The following ZNF160 variants were observed in gnomAD, a reference collection of about 807,000 sequenced individuals.
ZNF160 encodes KRAB zinc finger protein KR18.
Under a neutral mutation model 13.1 loss-of-function variants are expected in ZNF160, and 9 were observed. The observed-to-expected ratio is 0.69, with a 90% confidence interval of 0.41 to 1.20. The LOEUF (loss-of-function observed/expected upper bound fraction) is 1.20. Among genes scored for constraint, ZNF160 ranks in the 50% most tolerant of loss-of-function variants. The probability of loss-of-function intolerance (pLI) is 0.01; values close to 1 mark genes in which losing one functional copy is unlikely to be tolerated. For synonymous variants in ZNF160, 293 were observed against 333.2 expected (o/e 0.88, Z 1.31); for missense variants, 838 against 988.0 (o/e 0.85, Z 2.04).
rs561069641 is a variant in ZNF160 at position 53,091,658 on chromosome 19, G to C, written c.-291C>G. On this transcript the variant is annotated 5_prime_UTR_variant, in exon 2 of 6. Transcript: ENST00000683776. ...CTACCAGCGAGGCTGAAGCCACTCA[G>C]TGGGCTGGGAGCCGGGATCTCTCTA... is the stretch of plus-strand genomic sequence containing the variant. 6.6e-6 allele frequency: 1 copy of C among 152,398 alleles called. No individual in the cohort carries two copies. The highest frequency in any genetic ancestry group is 1.9e-4 in the East Asian group (1 of 5,182). 9.4% of individuals were successfully genotyped at this position (152,398 alleles called of 1,614,324 possible).
chr19:53,070,666 G>A (rs890614374), intron 5 of ZNF160, among the ~76,000 whole-genome samples: 4 of 152,068 alleles, frequency 2.6e-5, no homozygotes, highest in African/African-American at 4.8e-5. Context: ...CGCCTGCCTC[G>A]GCCTCCCAAA....
At chr19:53,082,624 C>T (rs79746883) in intron 3 of ZNF160, among the ~76,000 whole-genome samples, 13,043 of 152,258 alleles carry the variant, frequency 0.086, 704 homozygotes, top group South Asian at 0.14. Context: ...CAGCTGTGAT[C>T]ACACGACTGG....
Position 53,067,614 on chromosome 19 carries a change from C to T in ZNF160, c.*463G>A, listed in dbSNP as rs10405102. Reference sequence around the variant, plus strand: ...CAATAGTAGGCTTTCCAAAAAACCTCAAATAACTCAGTGAAACATTTCATA... The same window carrying T: ...CAATAGTAGGCTTTCCAAAAAACCTTAAATAACTCAGTGAAACATTTCATA... On this transcript the variant is annotated 3_prime_UTR_variant, in exon 6 of 6. Coordinates refer to ENST00000683776, the MANE Select transcript of ZNF160 (RefSeq NM_001322131.2). 0.43 allele frequency: 65,714 copies of T among 154,218 alleles called. 15,393 individuals are homozygous for T. The highest frequency in any genetic ancestry group is 0.62 in the African/African-American group (25,926 of 41,496). 9.6% of individuals were successfully genotyped at this position (154,218 alleles called of 1,614,324 possible). A position where few individuals can be genotyped will look rare whatever the true frequency, so the allele number is the denominator to read the frequency against.
rs2084037563 is a variant in ZNF160, at chr19:53,068,420, T to C, written c.2114A>G (p.Tyr705Cys). 2.5e-6 allele frequency: 4 copies of C among 1,614,102 alleles called. No individual in the cohort carries two copies. Among genetic ancestry groups the C allele is most frequent in the Non-Finnish European group, 3.4e-6 (4 of 1,179,996 alleles). The change falls in exon 6 of 6, where the codon TAC becomes TGC. Residue 705 changes from tyrosine (Y) to cysteine (C), a missense_variant. Tyr to Cys is a radical substitution (Grantham distance 194, BLOSUM62 -2). Transcript: ENST00000683776. ...GGCTTTCCCACACTCATTGCATCGG[T>C]AAGGTTTCTCTCCGGTGTGAGTCCT... The part of the protein sequence containing the change: ...HQRTHTGEKP[Y>C]RCNECGKAFS...
In ZNF160 at chr19:53,075,146, G is replaced by A. The variant is rs2145578671; in HGVS notation, c.53C>T (p.Ser18Phe). ...LTFRDVAIEF[S>F]QEEWKCLDPA... ...GTCCAGGCATTTCCACTCCTCCTGA[G>A]AGAATTCTATGGCCACATCCCTAAA... Residue 18 changes from serine to phenylalanine, a missense_variant, in exon 4 of 6, where the codon TCT becomes TTT. Transcript: ENST00000683776. 6.2e-7 allele frequency: 1 copy of A among 1,614,174 alleles called. No homozygotes were observed. Among genetic ancestry groups the A allele is most frequent in the Middle Eastern group, 1.6e-4 (1 of 6,062 alleles).
Position 53,074,234 on chromosome 19 carries a change from C to T in ZNF160, c.177G>A (p.Met59Ile), listed in dbSNP as rs144142923. Residue 59 changes from methionine (M) to isoleucine (I), a missense_variant, in exon 5 of 6, where the codon ATG (methionine) becomes ATA (isoleucine). By Grantham distance (10) the Met-to-Ile change is conservative. Transcript: ENST00000683776. ...TCCAGGGCTCTTTCCCTTCCTCCAA[C>T]ATGGAGATAATATTCATATCAAAAT... ...LCHFDMNIIS[M>I]LEEGKEPWTV... 2 of 1,614,000 alleles carry T rather than the reference C, an allele frequency of 1.2e-6. No homozygotes were observed. Among genetic ancestry groups the T allele is most frequent in the African/African-American group, 2.7e-5 (2 of 74,906 alleles).
intron 3 of ZNF160, among the ~76,000 whole-genome samples, chr19:53,081,847 A>G (rs113607460): frequency 0.033 from 5,018 of 152,312 alleles, 245 homozygotes; most frequent in African/African-American, 0.11. Context: ...CATTTACAAT[A>G]GCAAAGACAT....
chr19:53,099,514 A>T (rs8099848), intron 1 of ZNF160, among the ~76,000 whole-genome samples: 1 of 151,568 alleles, frequency 6.6e-6, no homozygotes, highest in East Asian at 2.0e-4. Context: ...AGGGTTCCCT[A>T]CCAGGGACTG....
At chr19:53,080,974 G>T (rs889905482) in intron 3 of ZNF160, among the ~76,000 whole-genome samples, 3 of 152,120 alleles carry the variant, frequency 2.0e-5, no homozygotes, top group Admixed American at 1.3e-4. Flanking sequence ...ATGAGGAAAG[G>T]ATACCCTATT....
In ZNF160 at chr19:53,073,175, T is replaced by C. The variant is rs559611865; in HGVS notation, c.271+965A>G. ...TAACCCACATTCTACTCTTTGCTGC[T>C]ATTAGTTTTATTGGTTTAGATTCCA... On this transcript the variant is annotated intron_variant, in intron 5 of 5. Transcript: ENST00000683776. 5.7e-6 allele frequency: 8 copies of C among 1,410,474 alleles called. No individual in the cohort carries two copies. The South Asian group carries it at 1.2e-4, about 22-fold the overall frequency. 87.4% of individuals were successfully genotyped at this position (1,410,474 alleles called of 1,614,324 possible).
At chr19:53,081,624 A>T (rs1051815826) in intron 3 of ZNF160, among the ~76,000 whole-genome samples, 6 of 146,898 alleles carry the variant, frequency 4.1e-5, no homozygotes, top group Non-Finnish European at 9.1e-5. Context: ...ACAAATATTG[A>T]CAAGGCTTCA....
At chr19:53,100,332 C>T (rs1328235509) in intron 1 of ZNF160, among the ~76,000 whole-genome samples, 2 of 152,196 alleles carry the variant, frequency 1.3e-5, no homozygotes, top group Non-Finnish European at 2.9e-5. Flanking sequence ...ATAAGTTGGC[C>T]GAGCGTGGTG....
At chr19:53,094,951 A>G (rs1473809162) in intron 1 of ZNF160, among the ~76,000 whole-genome samples, 1 of 151,414 alleles carries the variant, frequency 6.6e-6, no homozygotes, top group Non-Finnish European at 1.5e-5. Context: ...AGGCTGCACC[A>G]TAGCAGCTTC....
At position 53,069,201 on chromosome 19, in the gene ZNF160, T is replaced by C. The variant is rs1211156475; in HGVS notation, c.1333A>G (p.Arg445Gly). ...RYNSYLGRHR[R>G]VHTGEKPYKC... ...TAAGGTTTCTCACCAGTATGAACTC[T>C]CCGATGCCTTCCGAGGTATGAATTG... Residue 445 changes from arginine to glycine, a missense_variant, in exon 6 of 6, where the codon AGA becomes GGA. This residue lies in a region of ZNF160 where 400 missense variants were observed against 538.9 expected (regional missense o/e 0.74). Coordinates refer to ENST00000683776, the MANE Select transcript of ZNF160 (RefSeq NM_001322131.2). The surrounding 1 kb of genome is among the most constrained non-coding windows in gnomAD (Gnocchi z 4.4). The C allele has an allele frequency of 3.1e-6, 5 of 1,613,844 alleles. No homozygotes were observed. The highest frequency in any genetic ancestry group is 1.7e-5 in the Admixed American group (1 of 59,990).
At chr19:53,097,406 T>C (rs329720) in intron 1 of ZNF160, among the ~76,000 whole-genome samples, 103,080 of 151,032 alleles carry the variant, frequency 0.68, 36,613 homozygotes, top group Non-Finnish European at 0.78. Flanking sequence ...CCCTCTGGAC[T>C]CAGACACGCT....
At chr19:53,089,126 C>T (rs1260752012) in intron 2 of ZNF160, among the ~76,000 whole-genome samples, 1 of 152,178 alleles carries the variant, frequency 6.6e-6, no homozygotes, top group Non-Finnish European at 1.5e-5. Flanking sequence ...AGTGAATCCC[C>T]AATTTACAGT....
intron 3 of ZNF160, chr19:53,077,075 C>T (rs1226283253): frequency 6.6e-6 from 1 of 152,206 alleles, no homozygotes; most frequent in African/African-American, 2.4e-5. Flanking sequence ...CCGTCATAAA[C>T]CAGAGCTTGT....
rs183121240 is a variant in ZNF160 at position 53,086,449 on chromosome 19, A to G, written c.-45-128T>C. The G allele has an allele frequency of 1.8e-4, 129 of 724,606 alleles. No individual in the cohort carries two copies. The African/African-American group carries it at 2.1e-3, about 12-fold the overall frequency. The allele number at this position is 724,606 out of a possible 1,614,324, so 44.9% of individuals were successfully genotyped here. On this transcript the variant is annotated intron_variant, in intron 2 of 5. Transcript: ENST00000683776. ...CGCACAGATCTCACCCTGTGGAAAG[A>G]TGGTCCTCTGCGCCCCACTGCACCA...
In ZNF160 at chr19:53,070,215, T is replaced by C; in HGVS notation, c.319A>G (p.Ser107Gly). ...TIKDLLPKEK[S>G]STEAVFHTVV... ...GTGTGGAATACTGCTTCTGTACTGCTCTTCTCTTTTGGTAGCAAATCCTTG... is the reference window on the plus strand; with the variant it reads ...GTGTGGAATACTGCTTCTGTACTGCCCTTCTCTTTTGGTAGCAAATCCTTG... The change falls in exon 6 of 6, where the codon AGC becomes GGC. Residue 107 changes from serine to glycine, a missense_variant. By Grantham distance (56) the Ser-to-Gly change is moderately conservative (BLOSUM62 0). This residue lies in a region of ZNF160 where 387 missense variants were observed against 402.3 expected (regional missense o/e 0.96). Coordinates refer to ENST00000683776, the MANE Select transcript of ZNF160 (RefSeq NM_001322131.2). 6.2e-7 allele frequency: 1 copy of C among 1,609,376 alleles called. No homozygotes were observed. Among genetic ancestry groups the C allele is most frequent in the South Asian group, 1.1e-5 (1 of 90,108 alleles).
Sources: gnomAD v4.1 joint callset for allele counts (sites outside exome capture counted in the v4.1 genomes callset) on GRCh38, gnomAD v4.1.1 for gene constraint, gnomAD v4.1.1 regional missense constraint, Gnocchi (gnomAD v3.1) non-coding constraint, MANE v1.5 for transcripts, NCBI Gene and HGNC (gene_info 2026-07-23, HGNC 2026-07-21) for gene names.